Variants in NME8 observed in about 807,000 individuals in gnomAD.
NME8 encodes NME/NM23 family member 8.
In NME8, 72 loss-of-function variants were observed where a neutral mutation model predicts 82.3. The ratio of observed to expected loss-of-function variants is 0.87; its 90% CI spans 0.72 to 1.06. NME8 has a LOEUF of 1.06. Among genes scored for constraint, NME8 ranks in the 50% least tolerant of loss-of-function variants. The probability of loss-of-function intolerance (pLI) is 0.00; values close to 1 mark genes in which losing one functional copy is unlikely to be tolerated. For missense variants in NME8, 712 were observed against 685.4 expected (o/e 1.04, Z -0.43); for synonymous variants, 267 against 228.5 (o/e 1.17, Z -1.52).
At position 37,894,479 on chromosome 7, in the gene NME8, G is replaced by C; in HGVS notation, c.1413G>C (p.Lys471Asn). The change falls in exon 16 of 18, where the codon AAG becomes AAC. Residue 471 changes from lysine to asparagine, a missense_variant. Lys to Asn is a moderately conservative substitution (Grantham distance 94). Coordinates refer to ENST00000199447, the MANE Select transcript of NME8 (RefSeq NM_016616.5). ...ATSEQREQIL[K>N]IVKEAGFDLT... ...TGTTTTTCTTAGAGCAGATCCTGAAGATAGTTAAGGAGGCTGGATTTGATC... is the reference window on the plus strand; with the variant it reads ...TGTTTTTCTTAGAGCAGATCCTGAACATAGTTAAGGAGGCTGGATTTGATC... The C allele has an allele frequency of 6.2e-7, 1 of 1,612,934 alleles. No homozygotes were observed. The highest frequency in any genetic ancestry group is 8.5e-7 in the Non-Finnish European group (1 of 1,179,212).
chr7:37,895,153 C>CT (rs1390165772), intron 16 of NME8, among the ~76,000 whole-genome samples: 6 of 152,100 alleles, frequency 3.9e-5, no homozygotes, highest in Non-Finnish European at 7.4e-5. Flanking sequence ...TTATTCACAT[C>CT]TTTTTTTACA....
intron 14 of NME8, among the ~76,000 whole-genome samples, chr7:37,887,228 A>T (rs1046625618): frequency 5.9e-5 from 9 of 152,152 alleles, no homozygotes; most frequent in Admixed American, 5.2e-4. Flanking sequence ...TCTAATGTGG[A>T]TGGTCTGGTA....
intron 15 of NME8, among the ~76,000 whole-genome samples, chr7:37,894,057 A>T (rs1215930359): frequency 1.3e-5 from 2 of 152,174 alleles, no homozygotes; most frequent in Non-Finnish European, 2.9e-5. Context: ...TGCTTTGTTT[A>T]ATTCCCTCGA....
At chr7:37,890,024 T>C (rs886966625) in intron 15 of NME8, among the ~76,000 whole-genome samples, 42 of 152,048 alleles carry the variant, frequency 2.8e-4, no homozygotes, top group Admixed American at 9.2e-4. Flanking sequence ...AAATTTAGTT[T>C]TTAGCATTAC....
intron 9 of NME8, 57 bp downstream of exon 9, chr7:37,864,478 C>T (rs1221235123): frequency 2.4e-5 from 35 of 1,449,942 alleles, no homozygotes; most frequent in Admixed American, 3.9e-5. Flanking sequence ...ACCTCTTAAT[C>T]GTCAGTTCAA....
intron 10 of NME8, among the ~76,000 whole-genome samples, chr7:37,866,213 T>C (rs1330231174): frequency 6.6e-6 from 1 of 152,052 alleles, no homozygotes; most frequent in Admixed American, 6.6e-5. Flanking sequence ...GAATTTAAAT[T>C]CATTAAGATT....
At chr7:37,895,522 C>T (rs1785212506) in intron 16 of NME8, among the ~76,000 whole-genome samples, 1 of 152,148 alleles carries the variant, frequency 6.6e-6, no homozygotes, top group African/African-American at 2.4e-5. Flanking sequence ...TTAACTGCTG[C>T]TTTCCAAAAC....
intron 14 of NME8, among the ~76,000 whole-genome samples, chr7:37,886,056 T>C (rs1785035295): frequency 6.6e-6 from 1 of 152,172 alleles, no homozygotes; most frequent in Non-Finnish European, 1.5e-5. Flanking sequence ...AAAGCTGAAG[T>C]GCTTTCTTTT....
chr7:37,897,926 G>A (rs1224510258), intron 17 of NME8, among the ~76,000 whole-genome samples: 1 of 152,102 alleles, frequency 6.6e-6, no homozygotes, highest in Non-Finnish European at 1.5e-5. Flanking sequence ...TTGGTGCCAT[G>A]TCTTTGCTAT....
At chr7:37,869,383 C>T (rs1784736424) in intron 11 of NME8, among the ~76,000 whole-genome samples, 1 of 151,932 alleles carries the variant, frequency 6.6e-6, no homozygotes, top group African/African-American at 2.4e-5. Context: ...AAAAAGATAC[C>T]AGATTTTATC....
At chr7:37,867,958 G>C (rs1784713861) in intron 11 of NME8, 60 bp downstream of exon 11, 1 of 1,448,750 alleles carries the variant, frequency 6.9e-7, no homozygotes. Flanking sequence ...ATGAAGCGTA[G>C]TGTAGGCACC....
At chr7:37,891,798 A>T (rs1332666266) in intron 15 of NME8, among the ~76,000 whole-genome samples, 1 of 151,992 alleles carries the variant, frequency 6.6e-6, no homozygotes, top group Non-Finnish European at 1.5e-5. Flanking sequence ...CAACAAAAAA[A>T]GTTGGGATGG....
chr7:37,874,261 C>T (rs1784814733), intron 11 of NME8, among the ~76,000 whole-genome samples: 1 of 152,156 alleles, frequency 6.6e-6, no homozygotes, highest in African/African-American at 2.4e-5. Context: ...AATATAACAG[C>T]TGATGAAGGA....
At position 37,900,309 on chromosome 7, in the gene NME8, G is replaced by T. The variant is rs552389329; in HGVS notation, c.*81G>T. 1 of 152,224 alleles carries T rather than the reference G, an allele frequency of 6.6e-6. No individual in the cohort carries two copies. Among genetic ancestry groups the T allele is most frequent in the Non-Finnish European group, 1.5e-5 (1 of 67,998 alleles). 9.4% of individuals were successfully genotyped at this position (152,224 alleles called of 1,614,324 possible). A position where few individuals can be genotyped will look rare whatever the true frequency, so the allele number is the denominator to read the frequency against. ...ACCATTTGGCACAGCTTCCTGGGAG[G>T]AATAATAAGAAAAACATGCTTTGGA... On this transcript the variant is annotated 3_prime_UTR_variant, in exon 18 of 18. Coordinates refer to ENST00000199447, the MANE Select transcript of NME8 (RefSeq NM_016616.5).
chr7:37,896,849 T>C, intron 16 of NME8, 21 bp from the exon 17 acceptor site: 2 of 1,608,096 alleles, frequency 1.2e-6, no homozygotes. Context: ...CTGGGTCTTC[T>C]GAAAGCACCG....
chr7:37,857,932 A>G (rs1190670252), intron 6 of NME8, among the ~76,000 whole-genome samples: 2 of 152,178 alleles, frequency 1.3e-5, no homozygotes, highest in African/African-American at 4.8e-5. Context: ...CATAGTGGCT[A>G]ACGCCTGTAA....
rs34488464 is a variant in NME8 at position 37,868,852 on chromosome 7, T to TA, written c.818+958dup. Among the ~76,000 whole-genome samples, 737 of 152,366 alleles carry TA rather than the reference T, an allele frequency of 4.8e-3. 9 individuals are homozygous for TA. The highest frequency in any genetic ancestry group is 0.016 in the African/African-American group (684 of 41,586). ...TTGTATATTTTTTGTTGATGGATTT[T>TA]AAAATATTAGAAAATGGATATAAAT... is the stretch of plus-strand genomic sequence containing the variant. On this transcript the variant is annotated intron_variant, in intron 11 of 17. Coordinates refer to ENST00000199447, the MANE Select transcript of NME8 (RefSeq NM_016616.5).
At chr7:37,884,571 T>A in intron 13 of NME8, 124 bp downstream of exon 13, 1 of 778,402 alleles carries the variant, frequency 1.3e-6, no homozygotes, top group Non-Finnish European at 2.2e-6. Flanking sequence ...TGAGTTTACT[T>A]CTCTACCAGT....
At chr7:37,861,574 C>A (rs937211976) in intron 6 of NME8, among the ~76,000 whole-genome samples, 1 of 152,042 alleles carries the variant, frequency 6.6e-6, no homozygotes, top group Non-Finnish European at 1.5e-5. Flanking sequence ...GGTCAGGTAC[C>A]AGATCCATTA....
Sources: allele counts gnomAD v4.1 joint callset (sites outside exome capture counted in the v4.1 genomes callset), GRCh38; gene constraint gnomAD v4.1.1; transcripts MANE v1.5; gene names NCBI Gene and HGNC (gene_info 2026-07-23, HGNC 2026-07-21).